Variants in EBF1 observed in about 807,000 individuals in gnomAD.
The protein encoded by EBF1 is transcription factor COE1.
A neutral mutation model predicts 68.4 loss-of-function variants in EBF1; 10 were observed. The observed-to-expected ratio is 0.15, with a 90% CI of 0.09 to 0.25. EBF1 has a LOEUF of 0.25. Ranked by LOEUF, EBF1 falls within the 10% of genes least tolerant of loss-of-function variation. The pLI, the probability that EBF1 is intolerant of heterozygous loss-of-function variation, is 1.00. For missense variants in EBF1, 509 were observed against 794.4 expected, an observed-to-expected ratio of 0.64 and a Z score of 4.32; for synonymous variants, 298 against 299.8, an observed-to-expected ratio of 0.99 and a Z score of 0.06.
chr5:158,913,689 A>AG (rs1470356372), intron 6 of EBF1, among the ~76,000 whole-genome samples: 3 of 152,214 alleles, frequency 2.0e-5, no homozygotes, highest in African/African-American at 7.2e-5. Context: ...GGCAGGGAGC[A>AG]GGCCCTCCAT....
chr5:159,072,084 A>G (rs1339975599), intron 6 of EBF1, among the ~76,000 whole-genome samples: 1 of 152,228 alleles, frequency 6.6e-6, no homozygotes, highest in Non-Finnish European at 1.5e-5. Context: ...TCCTAATTCT[A>G]TAGGTAGCAC....
intron 6 of EBF1, among the ~76,000 whole-genome samples, chr5:158,949,269 C>T (rs562272363): frequency 6.6e-5 from 10 of 152,202 alleles, no homozygotes; most frequent in South Asian, 4.1e-4. Context: ...ATTTAATTTT[C>T]GAATTATCAT....
At chr5:158,892,546 G>A (rs947959965) in intron 6 of EBF1, among the ~76,000 whole-genome samples, 2 of 152,120 alleles carry the variant, frequency 1.3e-5, no homozygotes, top group African/African-American at 4.8e-5. Context: ...GACACAAGTG[G>A]AAAATTCCAC....
intron 6 of EBF1, among the ~76,000 whole-genome samples, chr5:158,858,280 T>C (rs888655433): frequency 6.6e-5 from 10 of 152,186 alleles, no homozygotes; most frequent in Non-Finnish European, 1.2e-4. Context: ...AGCTGAGACA[T>C]GGCAATTCTT....
Position 159,065,112 on chromosome 5 carries a change from C to T in EBF1, c.554+8284G>A, listed in dbSNP as rs151182519. ...ACTAACAGATCAGAATACTTATGAA[C>T]GAGAAGCACATTAAAAACAGGTGGG... On this transcript the variant is annotated intron_variant, in intron 6 of 15. Coordinates refer to ENST00000313708, the MANE Select transcript of EBF1 (RefSeq NM_024007.5). Among the ~76,000 whole-genome samples, 231 of 151,914 alleles carry T rather than the reference C, an allele frequency of 1.5e-3. 2 individuals carry two copies. Among genetic ancestry groups the T allele is most frequent in the African/African-American group, 5.1e-3 (209 of 41,370 alleles).
chr5:158,927,302 G>A (rs1033869571), intron 6 of EBF1, among the ~76,000 whole-genome samples: 5 of 152,164 alleles, frequency 3.3e-5, no homozygotes, highest in South Asian at 2.1e-4. Context: ...ATTTTTCTCC[G>A]TGCTCTTTCC....
chr5:158,819,445 C>T (rs188294763), intron 8 of EBF1, among the ~76,000 whole-genome samples: 1 of 152,332 alleles, frequency 6.6e-6, no homozygotes, highest in East Asian at 1.9e-4. Flanking sequence ...CATTTTGCCA[C>T]AGGGGGAAGA....
intron 10 of EBF1, among the ~76,000 whole-genome samples, chr5:158,776,499 T>C (rs1775292174): frequency 6.6e-6 from 1 of 152,182 alleles, no homozygotes; most frequent in Non-Finnish European, 1.5e-5. Context: ...TATCTCTTTG[T>C]GTGAAAGCAA....
chr5:158,797,489 T>C lies in EBF1; in HGVS notation c.779-1014A>G, dbSNP rs539961580. On this transcript the variant is annotated intron_variant, in intron 8 of 15. Transcript: ENST00000313708. ...GGAGAGAAAATGGGACCCTCATCTT[T>C]AATAAAAAGTTTATTAAGTATCCAA... Among the ~76,000 whole-genome samples the C allele has an allele frequency of 2.2e-4, 33 of 152,352 alleles. No individual in the cohort carries two copies. The South Asian group carries it at 6.4e-3, about 30-fold the overall frequency.
chr5:158,932,783 C>G (rs1193378375), intron 6 of EBF1, among the ~76,000 whole-genome samples: 1 of 152,206 alleles, frequency 6.6e-6, no homozygotes, highest in Non-Finnish European at 1.5e-5. Context: ...TAGTAGGGCA[C>G]TCCCAGAACA....
At chr5:158,823,147 A>G (rs1415648886) in intron 8 of EBF1, 29 bp downstream of exon 8, 11 of 1,613,800 alleles carry the variant, frequency 6.8e-6, no homozygotes, top group Non-Finnish European at 8.5e-6. Flanking sequence ...TAAAGTAGCA[A>G]TGCCAACCAA....
At chr5:158,783,253 T>C (rs1450904260) in intron 9 of EBF1, among the ~76,000 whole-genome samples, 1 of 152,196 alleles carries the variant, frequency 6.6e-6, no homozygotes, top group African/African-American at 2.4e-5. Context: ...AAAGCCATTA[T>C]TTTTATTATG....
chr5:158,781,740 C>T (rs1413980224), intron 9 of EBF1, among the ~76,000 whole-genome samples: 1 of 152,182 alleles, frequency 6.6e-6, no homozygotes, highest in Admixed American at 6.5e-5. Flanking sequence ...ACTGGCTCTT[C>T]TCTGCTTCTT....
At chr5:158,834,118 T>C (rs1445142687) in intron 7 of EBF1, among the ~76,000 whole-genome samples, 1 of 152,202 alleles carries the variant, frequency 6.6e-6, no homozygotes, top group Non-Finnish European at 1.5e-5. Context: ...TCTATTGCAA[T>C]GACAGCTTGA....
intron 10 of EBF1, among the ~76,000 whole-genome samples, chr5:158,763,073 T>C (rs1771845710): frequency 1.3e-5 from 2 of 152,120 alleles, no homozygotes; most frequent in African/African-American, 2.4e-5. Context: ...TTCTCTCTCA[T>C]TGGCCCTTAA....
At chr5:159,020,916 A>G (rs1766550887) in intron 6 of EBF1, among the ~76,000 whole-genome samples, 1 of 152,252 alleles carries the variant, frequency 6.6e-6, no homozygotes, top group South Asian at 2.1e-4. Flanking sequence ...TATAATAGTT[A>G]TGAATAATAT....
intron 6 of EBF1, among the ~76,000 whole-genome samples, chr5:159,055,747 G>A (rs1774624209): frequency 2.0e-5 from 3 of 152,132 alleles, no homozygotes; most frequent in Admixed American, 1.3e-4. Context: ...AAGATGAATG[G>A]CAATGGATTT....
chr5:158,964,897 A>G (rs1390085956), intron 6 of EBF1, among the ~76,000 whole-genome samples: 1 of 152,222 alleles, frequency 6.6e-6, no homozygotes, highest in Non-Finnish European at 1.5e-5. Flanking sequence ...AAATGCAACA[A>G]ATCATCAAGA....
intron 5 of EBF1, among the ~76,000 whole-genome samples, chr5:159,074,825 T>C (rs1451431878): frequency 6.6e-6 from 1 of 152,208 alleles, no homozygotes; most frequent in Non-Finnish European, 1.5e-5. Context: ...CACCTTCTGA[T>C]TCAGAGGGAA....
Sources: allele counts gnomAD v4.1 joint callset (sites outside exome capture counted in the v4.1 genomes callset), GRCh38; gene constraint gnomAD v4.1.1; transcripts MANE v1.5; gene names NCBI Gene and HGNC (gene_info 2026-07-23, HGNC 2026-07-21).